HHAT: variants seen among roughly 807,000 people sequenced by gnomAD.
HHAT encodes the protein protein-cysteine N-palmitoyltransferase HHAT.
HHAT carries 47 observed loss-of-function variants against 70.8 expected under a neutral mutation model. The ratio of observed to expected loss-of-function variants is 0.66; its 90% CI spans 0.53 to 0.85. The LOEUF is 0.85. HHAT is among the 40% of genes least tolerant of loss of function. The pLI is 0.00. For missense variants in HHAT, 609 were observed against 604.8 expected (o/e 1.01, Z -0.07); for synonymous variants, 228 against 247.6 (o/e 0.92, Z 0.74).
At position 210,362,884 on chromosome 1, in the gene HHAT, C is replaced by T. The variant is rs1193407499; in HGVS notation, c.124C>T (p.Leu42=). The T allele has an allele frequency of 6.2e-7, 1 of 1,613,766 alleles. No individual in the cohort carries two copies. The highest frequency in any genetic ancestry group is 8.5e-7 in the Non-Finnish European group (1 of 1,179,820). The change falls in exon 3 of 12, where the codon CTG becomes TTG. Residue 42 remains leucine, a synonymous_variant. Transcript: ENST00000261458. ...AGAGGAGCTGGACCAGGAATTTGAG[C>T]TGGAGACTGACACTTTATTTGGAGG... ...HEEELDQEFE[L]ETDTLFGGLK... is the part of the protein sequence containing the mutation.
At chr1:210,402,828 A>G (rs774648949) in intron 5 of HHAT, among the ~76,000 whole-genome samples, 26 of 152,190 alleles carry the variant, frequency 1.7e-4, no homozygotes, top group Non-Finnish European at 3.5e-4. Flanking sequence ...TCCAGGTGAC[A>G]ACACTTAGCA....
At chr1:210,563,253 A>G (rs190407545) in intron 9 of HHAT, among the ~76,000 whole-genome samples, 2 of 152,308 alleles carry the variant, frequency 1.3e-5, no homozygotes, top group Admixed American at 1.3e-4. Context: ...GGGTCCAAAT[A>G]TAGCTAAGAA....
intron 10 of HHAT, among the ~76,000 whole-genome samples, chr1:210,622,094 G>A (rs926540256): frequency 6.6e-5 from 10 of 152,154 alleles, no homozygotes; most frequent in African/African-American, 2.4e-4. Flanking sequence ...TCACAGTAGG[G>A]CCGCATAATA....
At chr1:210,588,405 T>G in intron 10 of HHAT, 1 of 288,968 alleles carries the variant, frequency 3.5e-6, no homozygotes, top group East Asian at 7.2e-5. Context: ...TTCTAAATTT[T>G]TTCCATGTGT....
At chr1:210,457,966 A>G (rs2093903938) in intron 7 of HHAT, among the ~76,000 whole-genome samples, 1 of 152,206 alleles carries the variant, frequency 6.6e-6, no homozygotes, top group South Asian at 2.1e-4. Context: ...CCTGTAAGGT[A>G]ATGAGTAGTA....
At chr1:210,455,170 G>A (rs1455660073) in intron 7 of HHAT, among the ~76,000 whole-genome samples, 1 of 152,102 alleles carries the variant, frequency 6.6e-6, no homozygotes, top group African/African-American at 2.4e-5. Context: ...GAGATTGATG[G>A]TCCTTGGCAC....
intron 11 of HHAT, among the ~76,000 whole-genome samples, chr1:210,671,434 A>G (rs1433112480): frequency 1.3e-5 from 2 of 152,206 alleles, no homozygotes; most frequent in Admixed American, 6.5e-5. Context: ...ACCTGGCTGT[A>G]TTGAGCTAGT....
At chr1:210,451,863 A>G (rs958561092) in intron 7 of HHAT, among the ~76,000 whole-genome samples, 1 of 152,230 alleles carries the variant, frequency 6.6e-6, no homozygotes, top group African/African-American at 2.4e-5. Context: ...CTTTTAAAAA[A>G]TGGGAAAAGA....
chr1:210,550,625 A>T (rs2095520106), intron 9 of HHAT, among the ~76,000 whole-genome samples: 1 of 148,938 alleles, frequency 6.7e-6, no homozygotes, highest in African/African-American at 2.5e-5. Context: ...AACCCCACCA[A>T]AACTCAACAT....
intron 10 of HHAT, among the ~76,000 whole-genome samples, chr1:210,612,172 T>C (rs1324768996): frequency 6.6e-6 from 1 of 152,166 alleles, no homozygotes; most frequent in Non-Finnish European, 1.5e-5. Context: ...TGATAAAGTA[T>C]ACTTAACATA....
At chr1:210,523,877 G>A (rs2095202105) in intron 9 of HHAT, among the ~76,000 whole-genome samples, 2 of 152,224 alleles carry the variant, frequency 1.3e-5, no homozygotes, top group African/African-American at 4.8e-5. Context: ...TAACAAGATA[G>A]ACAATGTTCC....
chr1:210,619,693 A>C (rs566920782), intron 10 of HHAT, among the ~76,000 whole-genome samples: 35 of 152,282 alleles, frequency 2.3e-4, no homozygotes, highest in Non-Finnish European at 4.4e-4. Flanking sequence ...ATTGCCTTGT[A>C]GTCATTGAGA....
At chr1:210,571,540 G>A (rs764979625) in intron 9 of HHAT, among the ~76,000 whole-genome samples, 24 of 152,106 alleles carry the variant, frequency 1.6e-4, no homozygotes, top group Non-Finnish European at 2.4e-4. Context: ...AACATTAGCC[G>A]CCTATACTGG....
chr1:210,330,091 G>T (rs532134843), intron 1 of HHAT, among the ~76,000 whole-genome samples: 72 of 152,314 alleles, frequency 4.7e-4, no homozygotes, highest in African/African-American at 1.7e-3. Flanking sequence ...ATGTGATTAA[G>T]TGCTATGGGA....
At chr1:210,348,719 T>G (rs114816006) in intron 1 of HHAT, among the ~76,000 whole-genome samples, 6,089 of 135,320 alleles carry the variant, frequency 0.045, 397 homozygotes, top group African/African-American at 0.16. Flanking sequence ...AGGATGCACA[T>G]GTGTGGTGTA....
intron 10 of HHAT, among the ~76,000 whole-genome samples, chr1:210,591,245 C>T (rs1661626654): frequency 6.6e-6 from 1 of 152,130 alleles, no homozygotes; most frequent in Non-Finnish European, 1.5e-5. Flanking sequence ...CTTTTACTCT[C>T]TGTCTCCACA....
In HHAT at chr1:210,493,746, A is replaced by G. The variant is rs574260468; in HGVS notation, c.1008-19407A>G. 7.2e-5 allele frequency among the ~76,000 whole-genome samples: 11 copies of G among 152,276 alleles called. No homozygotes were observed. In the South Asian group the frequency reaches 1.7e-3, roughly 23 times the overall value. On this transcript the variant is annotated intron_variant, in intron 8 of 11. Coordinates refer to ENST00000261458, the MANE Select transcript of HHAT (RefSeq NM_018194.6). The stretch of plus-strand genomic sequence containing the variant: ...TGATCTAGTGACGGGAAACGTCTCA[A>G]GGCGGCCCATTTGGTTACAGTCATA...
chr1:210,356,602 GTTTA>G (rs1242501247), intron 2 of HHAT, among the ~76,000 whole-genome samples: 2 of 152,038 alleles, frequency 1.3e-5, no homozygotes, highest in Non-Finnish European at 2.9e-5. Context: ...TCTACCTTTT[GTTTA>G]TTTCTTTATA....
intron 1 of HHAT, among the ~76,000 whole-genome samples, chr1:210,334,178 A>ATTTTGTTTTTTTTTT (rs2085259563): frequency 1.0e-5 from 1 of 99,956 alleles, no homozygotes; most frequent in Non-Finnish European, 2.0e-5. Context: ...TTAGCGTGTC[A>ATTTTGTTTTTTTTTT]TTTTTTTTTT....
Sources: gnomAD v4.1 joint callset for allele counts (sites outside exome capture counted in the v4.1 genomes callset) on GRCh38, gnomAD v4.1.1 for gene constraint, MANE v1.5 for transcripts, NCBI Gene and HGNC (gene_info 2026-07-23, HGNC 2026-07-21) for gene names.